MAP3K1: variants seen among roughly 807,000 people sequenced by gnomAD.
The protein encoded by MAP3K1 is MAP/ERK kinase kinase 1.
In MAP3K1, 36 loss-of-function variants were observed where a neutral mutation model predicts 144.2. That is an observed-to-expected ratio of 0.25 (90% CI 0.19 to 0.33). The LOEUF is 0.33. MAP3K1 is among the 10% of genes least tolerant of loss of function. The pLI is 1.00. For synonymous variants in MAP3K1, 718 were observed against 688.7 expected (o/e 1.04, Z -0.67); for missense variants, 1,650 against 1,881.9 (o/e 0.88, Z 2.28).
chr5:56,824,942 T>G (rs2591952), intron 1 of MAP3K1, among the ~76,000 whole-genome samples: 3 of 151,258 alleles, frequency 2.0e-5, no homozygotes, highest in African/African-American at 7.3e-5. Context: ...TTAAAAAAAA[T>G]TTTTATTTTT....
intron 1 of MAP3K1, chr5:56,820,719 G>C (rs1746129479): frequency 1.0e-6 from 1 of 985,164 alleles, no homozygotes; most frequent in Admixed American, 6.1e-5. Flanking sequence ...CTTTGTTATT[G>C]TTTTAGATTT....
Position 56,881,936 on chromosome 5 carries a change from A to T in MAP3K1, c.2736A>T (p.Gly912=). Reference sequence around the variant, plus strand: ...GCACAGTCCATTTAGAGAAAACTGGAAAAGGATTATGTGCTACAAAATTGA... The same window carrying T: ...GCACAGTCCATTTAGAGAAAACTGGTAAAGGATTATGTGCTACAAAATTGA... ...PECTVHLEKT[G]KGLCATKLSA... is the part of the protein sequence containing the mutation. The change falls in exon 14 of 20, where the codon GGA becomes GGT. Residue 912 remains glycine (G), a synonymous_variant. Coordinates refer to ENST00000399503, the MANE Select transcript of MAP3K1 (RefSeq NM_005921.2). 6.2e-7 allele frequency: 1 copy of T among 1,613,850 alleles called. No individual in the cohort carries two copies. The highest frequency in any genetic ancestry group is 1.1e-5 in the South Asian group (1 of 91,062).
chr5:56,868,560 A>G lies in MAP3K1; in HGVS notation c.1301+2583A>G, dbSNP rs555082008. Among the ~76,000 whole-genome samples, 13 of 151,828 alleles carry G rather than the reference A, an allele frequency of 8.6e-5. No individual in the cohort carries two copies. The East Asian group carries it at 2.3e-3, about 27-fold the overall frequency. Reference sequence around the variant, plus strand: ...CCACCATGCCCAGCTAATTTTTTGTATTTTTAGTAGTGACAGGGTTTCACC... The same window carrying G: ...CCACCATGCCCAGCTAATTTTTTGTGTTTTTAGTAGTGACAGGGTTTCACC... On this transcript the variant is annotated intron_variant, in intron 6 of 19. Coordinates refer to ENST00000399503, the MANE Select transcript of MAP3K1 (RefSeq NM_005921.2).
At chr5:56,835,573 T>C (rs1423986063) in intron 1 of MAP3K1, among the ~76,000 whole-genome samples, 1 of 151,848 alleles carries the variant, frequency 6.6e-6, no homozygotes, top group Admixed American at 6.6e-5. Flanking sequence ...GAGTGGGACG[T>C]ACTTTACTGA....
intron 2 of MAP3K1, among the ~76,000 whole-genome samples, chr5:56,856,970 G>A (rs1224047785): frequency 2.6e-5 from 4 of 152,130 alleles, no homozygotes; most frequent in South Asian, 4.1e-4. Flanking sequence ...TGGTGGAGGG[G>A]TAAATGCTTA....
intron 2 of MAP3K1, among the ~76,000 whole-genome samples, chr5:56,859,033 G>C (rs927063231): frequency 1.3e-5 from 2 of 148,908 alleles, no homozygotes; most frequent in African/African-American, 5.0e-5. Flanking sequence ...TTGGCCTTTG[G>C]TCATGGCTAG....
At position 56,815,771 on chromosome 5, in the gene MAP3K1, G is replaced by A. The variant is rs1462567577; in HGVS notation, c.198G>A (p.Arg66=). 1 of 1,405,058 alleles carries A rather than the reference G, an allele frequency of 7.1e-7. No homozygotes were observed. The highest frequency in any genetic ancestry group is 9.3e-7 in the Non-Finnish European group (1 of 1,075,790). The allele number at this position is 1,405,058 out of a possible 1,614,324, so 87.0% of individuals were successfully genotyped here. Residue 66 remains arginine, a synonymous_variant, in exon 1 of 20, where the codon CGG becomes CGA. Transcript: ENST00000399503. ...GGCGGCGGCAGCTGCGCAAAGTGCG[G>A]AGTGTGGAGCTGGACCAGCTGCCTG... The part of the protein sequence containing the change: ...DWRRRQLRKV[R]SVELDQLPEQ...
At chr5:56,839,507 TG>T (rs2111809281) in intron 1 of MAP3K1, among the ~76,000 whole-genome samples, 1 of 152,348 alleles carries the variant, frequency 6.6e-6, no homozygotes, top group East Asian at 1.9e-4. Flanking sequence ...TATTAACCAA[TG>T]GTTAGTTGCC....
At chr5:56,857,786 T>G (rs1022895558) in intron 2 of MAP3K1, among the ~76,000 whole-genome samples, 4 of 152,204 alleles carry the variant, frequency 2.6e-5, no homozygotes, top group African/African-American at 9.7e-5. Flanking sequence ...CGTGTCTGAC[T>G]TAAATAACTC....
chr5:56,822,832 C>T (rs1170660018), intron 1 of MAP3K1, among the ~76,000 whole-genome samples: 1 of 152,226 alleles, frequency 6.6e-6, no homozygotes, highest in Non-Finnish European at 1.5e-5. Flanking sequence ...AACATGTTCC[C>T]TGCTCATTAA....
At chr5:56,863,801 A>C (rs1374084989) in intron 3 of MAP3K1, among the ~76,000 whole-genome samples, 1 of 152,188 alleles carries the variant, frequency 6.6e-6, no homozygotes, top group Non-Finnish European at 1.5e-5. Context: ...TATTACCCTT[A>C]ACTATTTAAT....
chr5:56,849,480 C>G (rs1014878015), intron 1 of MAP3K1, among the ~76,000 whole-genome samples: 2 of 152,126 alleles, frequency 1.3e-5, no homozygotes, highest in Non-Finnish European at 2.9e-5. Flanking sequence ...GTCTTTAGTC[C>G]TCAGGGTCAA....
intron 1 of MAP3K1, among the ~76,000 whole-genome samples, chr5:56,841,033 G>A (rs1175123647): frequency 3.3e-5 from 5 of 151,902 alleles, no homozygotes; most frequent in Admixed American, 2.6e-4. Context: ...GCACCACCAC[G>A]CCCAGCTAAT....
intron 1 of MAP3K1, among the ~76,000 whole-genome samples, chr5:56,841,269 CTACTT>C (rs1249621464): frequency 6.6e-6 from 1 of 151,504 alleles, no homozygotes; most frequent in African/African-American, 2.4e-5. Flanking sequence ...TTTGTGCTCT[CTACTT>C]TCTCGAATGT....
intron 19 of MAP3K1, among the ~76,000 whole-genome samples, chr5:56,890,463 C>A (rs563717290): frequency 6.6e-6 from 1 of 152,228 alleles, no homozygotes; most frequent in African/African-American, 2.4e-5. Flanking sequence ...CACTTCCATA[C>A]CCTGTTTATG....
chr5:56,859,653 A>G, intron 2 of MAP3K1, 62 bp from the exon 3 acceptor site: 2 of 1,224,468 alleles, frequency 1.6e-6, no homozygotes, highest in Non-Finnish European at 2.4e-6. Context: ...AGTCTATGAT[A>G]TTTACATTTA....
At chr5:56,887,630 G>A (rs1748416666) in intron 18 of MAP3K1, 110 bp downstream of exon 18, 1 of 1,152,486 alleles carries the variant, frequency 8.7e-7, no homozygotes, top group South Asian at 1.2e-5. Flanking sequence ...CCAACTAGAA[G>A]TCCGTGGCCC....
At chr5:56,826,895 C>T (rs1197061584) in intron 1 of MAP3K1, among the ~76,000 whole-genome samples, 8 of 152,234 alleles carry the variant, frequency 5.3e-5, no homozygotes, top group African/African-American at 9.6e-5. Flanking sequence ...AGGGAAGTCT[C>T]CATCACTTGC....
rs747333403 is a variant in MAP3K1 at position 56,856,602 on chromosome 5, G to A, written c.485G>A (p.Arg162His). 2.9e-5 allele frequency: 47 copies of A among 1,612,268 alleles called. No homozygotes were observed. Among genetic ancestry groups the A allele is most frequent in the Middle Eastern group, 1.6e-4 (1 of 6,076 alleles). The change falls in exon 2 of 20, where the codon CGT becomes CAT. Residue 162 changes from arginine to histidine, a missense_variant and splice_region_variant. Physicochemically the swap from Arg to His is conservative, Grantham distance 29. Transcript: ENST00000399503. The part of the protein sequence containing the change: ...EPSPAAAPAG[R>H]EMENKETLKG... ...ATTTGTTTCTGCCTGCATTTTAGTC[G>A]TGAGATGGAGAATAAAGAAACTCTC...
Sources: gnomAD v4.1 joint callset for allele counts (sites outside exome capture counted in the v4.1 genomes callset) on GRCh38, gnomAD v4.1.1 for gene constraint, MANE v1.5 for transcripts, NCBI Gene and HGNC (gene_info 2026-07-23, HGNC 2026-07-21) for gene names.